The following ULK4 variants were observed in gnomAD, a reference collection of about 807,000 sequenced individuals.
ULK4 encodes unc-51 like kinase 4.
ULK4 carries 133 observed loss-of-function variants against 160.6 expected under a neutral mutation model. The ratio of observed to expected loss-of-function variants is 0.83; its 90% CI spans 0.72 to 0.96. ULK4 has a LOEUF of 0.96. Among genes scored for constraint, ULK4 ranks in the 40% least tolerant of loss-of-function variants. ULK4 has a pLI of 0.00. For synonymous variants in ULK4, 534 were observed against 539.8 expected, an observed-to-expected ratio of 0.99 and a Z score of 0.15; for missense variants, 1,580 against 1,499.5, an observed-to-expected ratio of 1.05 and a Z score of -0.89.
intron 30 of ULK4, among the ~76,000 whole-genome samples, chr3:41,660,050 G>A (rs1229326665): frequency 1.3e-5 from 2 of 152,216 alleles, no homozygotes; most frequent in Non-Finnish European, 2.9e-5. Flanking sequence ...ACCACTTTGG[G>A]AGGGCAAGGT....
chr3:41,953,273 T>TATACACATACATATATATAC (rs1559673779), intron 2 of ULK4, among the ~76,000 whole-genome samples: 1 of 84,360 alleles, frequency 1.2e-5, no homozygotes, highest in African/African-American at 3.4e-5. Context: ...TACACATATA[T>TATACACATACATATATATAC]ACATATATAC....
intron 30 of ULK4, among the ~76,000 whole-genome samples, chr3:41,620,439 C>G (rs2033188068): frequency 1.3e-5 from 2 of 152,184 alleles, no homozygotes; most frequent in African/African-American, 4.8e-5. Flanking sequence ...GGCTTCATCC[C>G]TGGGATGCAA....
At chr3:41,723,100 A>T (rs920254454) in intron 22 of ULK4, among the ~76,000 whole-genome samples, 7 of 152,120 alleles carry the variant, frequency 4.6e-5, no homozygotes, top group Non-Finnish European at 8.8e-5. Flanking sequence ...CCATCTATTT[A>T]TGGGGTTTAA....
intron 33 of ULK4, among the ~76,000 whole-genome samples, chr3:41,459,325 C>A (rs1186023166): frequency 6.6e-6 from 1 of 152,142 alleles, no homozygotes; most frequent in Non-Finnish European, 1.5e-5. Flanking sequence ...TGGGCCTCTC[C>A]CAAAGGGCTG....
At position 41,263,278 on chromosome 3, in the gene ULK4, G is replaced by C. The variant is rs774980503; in HGVS notation, c.3679-13704C>G. ...ATGCTATATGGGGTCATAGTGAGCT[G>C]TGTATTTGACAACAGAGTCACTGAT... On this transcript the variant is annotated intron_variant, in intron 35 of 36. Transcript: ENST00000301831. 5.0e-4 allele frequency among the ~76,000 whole-genome samples: 76 copies of C among 152,296 alleles called. 1 individual carries two copies. Among genetic ancestry groups the C allele is most frequent in the Admixed American group, 9.8e-4 (15 of 15,300 alleles).
At chr3:41,846,836 A>T (rs975796914) in intron 17 of ULK4, among the ~76,000 whole-genome samples, 3 of 151,812 alleles carry the variant, frequency 2.0e-5, no homozygotes, top group African/African-American at 7.3e-5. Flanking sequence ...CTTACCATTG[A>T]AACTAAAAGA....
intron 32 of ULK4, among the ~76,000 whole-genome samples, chr3:41,530,156 G>A (rs138826832): frequency 7.5e-4 from 114 of 152,196 alleles, no homozygotes; most frequent in African/African-American, 2.7e-3. Flanking sequence ...GAAACTATAC[G>A]TTAAACAAAT....
chr3:41,624,333 A>G (rs2033388384), intron 30 of ULK4, among the ~76,000 whole-genome samples: 1 of 152,248 alleles, frequency 6.6e-6, no homozygotes, highest in African/African-American at 2.4e-5. Context: ...TGAAGTCAGA[A>G]GAACATAAAT....
At chr3:41,531,935 T>C (rs1256029656) in intron 32 of ULK4, among the ~76,000 whole-genome samples, 2 of 152,324 alleles carry the variant, frequency 1.3e-5, no homozygotes, top group East Asian at 1.9e-4. Context: ...CTGAGTCTAG[T>C]ACAATGGTTT....
chr3:41,539,831 C>G (rs2086633567), intron 32 of ULK4, among the ~76,000 whole-genome samples: 1 of 152,064 alleles, frequency 6.6e-6, no homozygotes, highest in Non-Finnish European at 1.5e-5. Context: ...ACCTCAGTCA[C>G]ATAATCCCAT....
intron 16 of ULK4, among the ~76,000 whole-genome samples, chr3:41,891,761 C>T (rs762031217): frequency 1.3e-5 from 2 of 152,046 alleles, no homozygotes; most frequent in Non-Finnish European, 2.9e-5. Context: ...AAAAATTAGC[C>T]GGGCATGATG....
chr3:41,559,315 G>T (rs921031019), intron 32 of ULK4, among the ~76,000 whole-genome samples: 9 of 130,224 alleles, frequency 6.9e-5, no homozygotes, highest in Non-Finnish European at 1.1e-4. Context: ...TTGCTATTGT[G>T]AATAGTGCTG....
At chr3:41,552,939 T>C (rs2087129656) in intron 32 of ULK4, among the ~76,000 whole-genome samples, 1 of 151,910 alleles carries the variant, frequency 6.6e-6, no homozygotes, top group Admixed American at 6.6e-5. Flanking sequence ...AGATCCCAGA[T>C]ATAAATTCAT....
intron 34 of ULK4, among the ~76,000 whole-genome samples, chr3:41,404,712 A>T (rs2125821337): frequency 6.6e-6 from 1 of 152,306 alleles, no homozygotes; most frequent in African/African-American, 2.4e-5. Context: ...TAAAAGGACA[A>T]GTTTGGGCTC....
chr3:41,542,020 C>G (rs1480767299), intron 32 of ULK4, among the ~76,000 whole-genome samples: 2 of 152,058 alleles, frequency 1.3e-5, no homozygotes, highest in East Asian at 3.9e-4. Flanking sequence ...CTTTCTCTTG[C>G]CTGATTGTCC....
intron 32 of ULK4, among the ~76,000 whole-genome samples, chr3:41,470,231 A>C (rs568058244): frequency 9.2e-5 from 14 of 152,268 alleles, no homozygotes; most frequent in Non-Finnish European, 1.9e-4. Flanking sequence ...GCTGACAGCA[A>C]CAAGAAACAC....
rs188719208 is a variant in ULK4, at chr3:41,782,981, A to G, written c.2193+6680T>C. 4.6e-4 allele frequency among the ~76,000 whole-genome samples: 70 copies of G among 152,140 alleles called. 2 individuals are homozygous for G. In the South Asian group the frequency reaches 0.012, roughly 27 times the overall value. ...TTCGTAACACATCACTGAATAGGAG[A>G]AATATGAGCCAGCAAAGAACATAGA... On this transcript the variant is annotated intron_variant, in intron 21 of 36. Transcript: ENST00000301831.
intron 15 of ULK4, among the ~76,000 whole-genome samples, chr3:41,896,025 T>A (rs1314970486): frequency 6.6e-6 from 1 of 152,050 alleles, no homozygotes; most frequent in Non-Finnish European, 1.5e-5. Flanking sequence ...CTCTGACAAA[T>A]TCCCTTGAGC....
At chr3:41,640,528 C>CAG (rs2034141252) in intron 30 of ULK4, among the ~76,000 whole-genome samples, 1 of 152,108 alleles carries the variant, frequency 6.6e-6, no homozygotes, top group Admixed American at 6.6e-5. Flanking sequence ...AGGAGGTGAC[C>CAG]AGAGACCTGT....
Sources: gnomAD v4.1 joint callset for allele counts (sites outside exome capture counted in the v4.1 genomes callset) on GRCh38, gnomAD v4.1.1 for gene constraint, MANE v1.5 for transcripts, NCBI Gene and HGNC (gene_info 2026-07-23, HGNC 2026-07-21) for gene names.